RHBDL2: variants seen among roughly 807,000 people sequenced by gnomAD.
RHBDL2 encodes rhomboid-related protein 2.
In RHBDL2, 26 loss-of-function variants were observed where a neutral mutation model predicts 31.7. The observed-to-expected ratio is 0.82, with a 90% CI of 0.60 to 1.14. The LOEUF (loss-of-function observed/expected upper bound fraction) is 1.14, where lower values mean the gene tolerates loss of function less well. Ranked by LOEUF, RHBDL2 falls within the 50% of genes most tolerant of loss-of-function variation. The pLI, the probability that RHBDL2 is intolerant of heterozygous loss-of-function variation, is 0.00. For synonymous variants in RHBDL2, 123 were observed against 127.2 expected, an observed-to-expected ratio of 0.97 and a Z score of 0.22; for missense variants, 336 against 364.4, an observed-to-expected ratio of 0.92 and a Z score of 0.63.
At chr1:38,905,754 A>G (rs1320401387) in intron 4 of RHBDL2, among the ~76,000 whole-genome samples, 1 of 149,916 alleles carries the variant, frequency 6.7e-6, no homozygotes, top group Non-Finnish European at 1.5e-5. Flanking sequence ...TCTCAAGAAA[A>G]AAAAAAAAAA....
chr1:38,912,726 T>C (rs1643166695), intron 3 of RHBDL2, among the ~76,000 whole-genome samples: 1 of 151,636 alleles, frequency 6.6e-6, no homozygotes, highest in African/African-American at 2.4e-5. Context: ...TGGCCACAGA[T>C]TCTTTTTAAG....
intron 1 of RHBDL2, among the ~76,000 whole-genome samples, chr1:38,939,838 G>A (rs536516319): frequency 3.3e-5 from 5 of 152,102 alleles, no homozygotes; most frequent in East Asian, 1.9e-4. Flanking sequence ...GTGAGCCACC[G>A]TGCCAGGACT....
chr1:38,929,285 G>A, intron 1 of RHBDL2: 3 of 681,242 alleles, frequency 4.4e-6, no homozygotes, highest in Non-Finnish European at 6.5e-6. Flanking sequence ...ATGGGGCTGG[G>A]AATTCCCACC....
chr1:38,937,965 C>G (rs1040253742), intron 1 of RHBDL2, among the ~76,000 whole-genome samples: 9 of 152,180 alleles, frequency 5.9e-5, no homozygotes, highest in Admixed American at 3.3e-4. Flanking sequence ...ATCCTAGGCC[C>G]CTACACATCA....
chr1:38,902,432 T>G (rs1643005193), intron 4 of RHBDL2, among the ~76,000 whole-genome samples: 1 of 150,078 alleles, frequency 6.7e-6, no homozygotes, highest in South Asian at 2.1e-4. Context: ...TTATTTTTTT[T>G]TTTTTGAGAT....
At chr1:38,911,226 C>T (rs1010792479) in intron 4 of RHBDL2, 96 bp downstream of exon 4, 1 of 769,178 alleles carries the variant, frequency 1.3e-6, no homozygotes, top group African/African-American at 1.7e-5. Context: ...TGCAGTAAAC[C>T]TTGACTTAAA....
rs1642786923 is a variant in RHBDL2 at position 38,886,553 on chromosome 1, C to T, written c.863G>A (p.Cys288Tyr). The change falls in exon 8 of 8, where the codon TGT (cysteine) becomes TAT (tyrosine). Residue 288 changes from cysteine to tyrosine, a missense_variant. By Grantham distance (194) the Cys-to-Tyr change is radical. Coordinates refer to ENST00000372990, the MANE Select transcript of RHBDL2 (RefSeq NM_017821.5). ...FWIAIAAYLA[C>Y]VLFAVFFNIF... ...GTTGAAAAACACAGCAAATAAGACA[C>T]AAGCTAAATATGCAGCAATTGCTAT... The T allele has an allele frequency of 6.2e-7, 1 of 1,601,444 alleles. No homozygotes were observed. The highest frequency in any genetic ancestry group is 8.5e-7 in the Non-Finnish European group (1 of 1,172,562).
At chr1:38,928,190 G>A (rs112864412) in intron 1 of RHBDL2, among the ~76,000 whole-genome samples, 2,985 of 139,644 alleles carry the variant, frequency 0.021, 106 homozygotes, top group African/African-American at 0.078. Flanking sequence ...CGCCCAGGCT[G>A]GAATGCAGTG....
At chr1:38,926,321 G>C (rs1643374591) in intron 1 of RHBDL2, 9 of 478,150 alleles carry the variant, frequency 1.9e-5, no homozygotes, top group African/African-American at 2.1e-5. Flanking sequence ...AAAGGCAGCA[G>C]CACTGGGCGT....
intron 5 of RHBDL2, 40 bp from the exon 6 acceptor site, chr1:38,893,264 G>T: frequency 1.0e-6 from 1 of 1,000,302 alleles, no homozygotes; most frequent in South Asian, 1.4e-5. Context: ...AGCTATCTAT[G>T]GACAAATGAA....
intron 3 of RHBDL2, among the ~76,000 whole-genome samples, chr1:38,911,824 T>C (rs1352273116): frequency 1.3e-5 from 2 of 151,888 alleles, no homozygotes; most frequent in African/African-American, 2.4e-5. Flanking sequence ...TTCTTTTTTT[T>C]TGGACGAAGT....
At position 38,889,497 on chromosome 1, in the gene RHBDL2, A is replaced by G. The variant is rs112016630; in HGVS notation, c.671-1473T>C. ...CCAGCTGGAAAAATACTATTGTAGCAATCGAAGTGAAGAAGGATGGTGGCA... is the reference window on the plus strand; with the variant it reads ...CCAGCTGGAAAAATACTATTGTAGCGATCGAAGTGAAGAAGGATGGTGGCA... On this transcript the variant is annotated intron_variant, in intron 6 of 7. Coordinates refer to ENST00000372990, the MANE Select transcript of RHBDL2 (RefSeq NM_017821.5). Among the ~76,000 whole-genome samples the G allele has an allele frequency of 4.8e-3, 730 of 152,298 alleles. 8 individuals carry two copies. Among genetic ancestry groups the G allele is most frequent in the African/African-American group, 0.017 (688 of 41,552 alleles).
chr1:38,930,083 G>T (rs539411863), intron 1 of RHBDL2, among the ~76,000 whole-genome samples: 7 of 152,264 alleles, frequency 4.6e-5, no homozygotes, highest in Middle Eastern at 3.4e-3. Context: ...TGCTTCCTGA[G>T]CTCTCTCCAT....
intron 1 of RHBDL2, among the ~76,000 whole-genome samples, chr1:38,936,912 G>A (rs1342152054): frequency 1.3e-5 from 2 of 151,870 alleles, no homozygotes; most frequent in Non-Finnish European, 2.9e-5. Flanking sequence ...GGGATTACAG[G>A]TGTGAGCCAC....
intron 1 of RHBDL2, chr1:38,929,299 C>T: frequency 3.6e-6 from 3 of 827,030 alleles, no homozygotes; most frequent in Middle Eastern, 2.9e-4. Context: ...TCCCACCATC[C>T]CCACTGCTAC....
chr1:38,934,388 G>A (rs181009148), intron 1 of RHBDL2, among the ~76,000 whole-genome samples: 521 of 151,914 alleles, frequency 3.4e-3, no homozygotes, highest in African/African-American at 0.012. Flanking sequence ...CCGGCAGGGT[G>A]GCTCACACTT....
chr1:38,931,230 A>G (rs1249753889), intron 1 of RHBDL2, among the ~76,000 whole-genome samples: 4 of 152,170 alleles, frequency 2.6e-5, no homozygotes, highest in African/African-American at 9.7e-5. Flanking sequence ...TTGTTCAGAA[A>G]TCTGCAGGCG....
intron 4 of RHBDL2, among the ~76,000 whole-genome samples, chr1:38,901,189 G>A (rs1642984089): frequency 6.6e-6 from 1 of 151,112 alleles, no homozygotes; most frequent in Non-Finnish European, 1.5e-5. Flanking sequence ...ATGGTCGGCT[G>A]CAGTGGCTCA....
chr1:38,929,489 G>A (rs1170997381), intron 1 of RHBDL2: 1 of 1,289,360 alleles, frequency 7.8e-7, no homozygotes, highest in East Asian at 5.5e-5. Context: ...TTGTGAGCTT[G>A]TGCCGCTTGC....
Sources: gnomAD v4.1 joint callset for allele counts (sites outside exome capture counted in the v4.1 genomes callset) on GRCh38, gnomAD v4.1.1 for gene constraint, MANE v1.5 for transcripts, NCBI Gene and HGNC (gene_info 2026-07-23, HGNC 2026-07-21) for gene names.